The following KCNIP4 variants were observed in gnomAD, a reference collection of about 807,000 sequenced individuals.
The protein encoded by KCNIP4 is potassium voltage-gated channel interacting protein 4, also known as Kv channel-interacting protein 4.
In KCNIP4, 12 loss-of-function variants were observed where a neutral mutation model predicts 34.0. That is an observed-to-expected ratio of 0.35 (90% CI 0.23 to 0.57). The LOEUF is 0.57. KCNIP4 is among the 20% of genes least tolerant of loss of function. The pLI is 0.83. For missense variants in KCNIP4, 238 were observed against 311.7 expected (o/e 0.76, Z 1.78); for synonymous variants, 124 against 102.2 (o/e 1.21, Z -1.29).
chr4:21,934,244 C>A (rs1330564310), intron 1 of KCNIP4, among the ~76,000 whole-genome samples: 1 of 152,020 alleles, frequency 6.6e-6, no homozygotes, highest in Non-Finnish European at 1.5e-5. Context: ...ACTGCACTTC[C>A]AACGACTAGG....
At chr4:21,521,433 G>T (rs1477814361) in intron 1 of KCNIP4, among the ~76,000 whole-genome samples, 1 of 152,040 alleles carries the variant, frequency 6.6e-6, no homozygotes, top group East Asian at 1.9e-4. Context: ...GTCAGCTCTT[G>T]CTCTTTTTCT....
intron 1 of KCNIP4, among the ~76,000 whole-genome samples, chr4:21,360,002 T>C (rs924581995): frequency 2.0e-5 from 3 of 152,068 alleles, no homozygotes; most frequent in Non-Finnish European, 1.5e-5. Context: ...AATTTGCAAA[T>C]AGTTGACATT....
chr4:21,817,107 A>T (rs1243017045), intron 1 of KCNIP4, among the ~76,000 whole-genome samples: 1 of 151,992 alleles, frequency 6.6e-6, no homozygotes, highest in Non-Finnish European at 1.5e-5. Flanking sequence ...TCTTCATTCC[A>T]ATTCCACATA....
intron 1 of KCNIP4, among the ~76,000 whole-genome samples, chr4:21,143,645 A>T (rs1358191277): frequency 8.5e-5 from 13 of 152,156 alleles, no homozygotes; most frequent in Non-Finnish European, 1.9e-4. Flanking sequence ...TGTAATAGAA[A>T]ACTAATACAC....
chr4:21,428,639 A>T (rs889933758), intron 1 of KCNIP4, among the ~76,000 whole-genome samples: 6 of 152,110 alleles, frequency 3.9e-5, no homozygotes, highest in Admixed American at 6.6e-5. Context: ...TAACATCCAG[A>T]TTTCATTTAT....
intron 1 of KCNIP4, among the ~76,000 whole-genome samples, chr4:21,443,946 A>G (rs1727723653): frequency 6.7e-6 from 1 of 150,272 alleles, no homozygotes; most frequent in Admixed American, 6.6e-5. Flanking sequence ...AGGGGATATC[A>G]CCACTGATCC....
chr4:21,572,140 A>G (rs1348965153), intron 1 of KCNIP4, among the ~76,000 whole-genome samples: 3 of 152,200 alleles, frequency 2.0e-5, no homozygotes, highest in African/African-American at 7.2e-5. Flanking sequence ...TAGCCAGATC[A>G]TATATAAGTA....
chr4:20,860,600 T>C (rs2149494097), intron 2 of KCNIP4, among the ~76,000 whole-genome samples: 1 of 152,354 alleles, frequency 6.6e-6, no homozygotes, highest in South Asian at 2.1e-4. Context: ...ATCTCATTGA[T>C]AAAAATACCC....
At chr4:21,151,245 G>A (rs770757751) in intron 1 of KCNIP4, among the ~76,000 whole-genome samples, 1 of 152,008 alleles carries the variant, frequency 6.6e-6, no homozygotes, top group Non-Finnish European at 1.5e-5. Context: ...CGAGTCCTAA[G>A]TAACTCTACC....
At chr4:21,832,198 A>G (rs1273877857) in intron 1 of KCNIP4, among the ~76,000 whole-genome samples, 3 of 152,192 alleles carry the variant, frequency 2.0e-5, no homozygotes, top group Non-Finnish European at 4.4e-5. Context: ...ACATCCTTTC[A>G]TGGTAAAAAT....
chr4:21,095,618 G>A (rs1747392730), intron 1 of KCNIP4, among the ~76,000 whole-genome samples: 1 of 147,148 alleles, frequency 6.8e-6, no homozygotes, highest in South Asian at 2.1e-4. Context: ...GAGTGCAAAT[G>A]CTATGTTTCA....
intron 1 of KCNIP4, among the ~76,000 whole-genome samples, chr4:21,750,322 T>G (rs1012995630): frequency 6.6e-6 from 1 of 152,084 alleles, no homozygotes; most frequent in Non-Finnish European, 1.5e-5. Context: ...TTCCTTAAAG[T>G]GAAAAGGTAA....
chr4:21,933,408 AC>A (rs1278567201), intron 1 of KCNIP4, among the ~76,000 whole-genome samples: 2 of 152,028 alleles, frequency 1.3e-5, no homozygotes, highest in African/African-American at 2.4e-5. Context: ...ATGTTCTCTA[AC>A]CTTGTTCTTG....
chr4:20,750,792 CAAAAT>C (rs922715039), intron 4 of KCNIP4, among the ~76,000 whole-genome samples: 2 of 152,020 alleles, frequency 1.3e-5, no homozygotes, highest in African/African-American at 4.8e-5. Context: ...TTTGTCTTTT[CAAAAT>C]AAAATGGTAA....
At chr4:20,958,961 T>C (rs1006661450) in intron 1 of KCNIP4, among the ~76,000 whole-genome samples, 2 of 152,196 alleles carry the variant, frequency 1.3e-5, no homozygotes, top group African/African-American at 4.8e-5. Flanking sequence ...AGCTGTGAGA[T>C]GTCAAGCAAA....
chr4:21,898,621 G>A (rs1017290406), intron 1 of KCNIP4, among the ~76,000 whole-genome samples: 4 of 152,136 alleles, frequency 2.6e-5, no homozygotes, highest in East Asian at 1.9e-4. Context: ...CCTGGGCCCT[G>A]AATAATCAGC....
chr4:20,962,465 A>G (rs1733940748), intron 1 of KCNIP4, among the ~76,000 whole-genome samples: 1 of 152,142 alleles, frequency 6.6e-6, no homozygotes, highest in South Asian at 2.1e-4. Flanking sequence ...TTATTTGTAC[A>G]GAACTGAGTA....
chr4:21,392,349 A>G (rs1722637465), intron 1 of KCNIP4, among the ~76,000 whole-genome samples: 1 of 152,222 alleles, frequency 6.6e-6, no homozygotes, highest in South Asian at 2.1e-4. Context: ...TATAGTACCA[A>G]CAAGCATTTT....
intron 1 of KCNIP4, among the ~76,000 whole-genome samples, chr4:21,140,535 C>T (rs1475333579): frequency 6.6e-6 from 1 of 152,066 alleles, no homozygotes. Flanking sequence ...AAACTTTATG[C>T]TAATAATTTT....
Sources: gnomAD v4.1 joint callset for allele counts (sites outside exome capture counted in the v4.1 genomes callset) on GRCh38, gnomAD v4.1.1 for gene constraint, MANE v1.5 for transcripts, NCBI Gene and HGNC (gene_info 2026-07-23, HGNC 2026-07-21) for gene names.